The following ADCY2 variants were observed in gnomAD, a reference collection of about 807,000 sequenced individuals.
The protein encoded by ADCY2 is adenylate cyclase 2, also known as adenylate cyclase type 2.
Under a neutral mutation model 125.2 loss-of-function variants are expected in ADCY2, and 31 were observed. The observed-to-expected ratio is 0.25, with a 90% CI of 0.19 to 0.33. The LOEUF (loss-of-function observed/expected upper bound fraction) is 0.33, where lower values mean the gene tolerates loss of function less well. ADCY2 is among the 10% of genes least tolerant of loss of function. The pLI is 1.00. For synonymous variants in ADCY2, 512 were observed against 548.4 expected, an observed-to-expected ratio of 0.93 and a Z score of 0.93; for missense variants, 904 against 1,418.2, an observed-to-expected ratio of 0.64 and a Z score of 5.82.
At chr5:7,434,572 A>G (rs1740725236) in intron 2 of ADCY2, among the ~76,000 whole-genome samples, 1 of 152,254 alleles carries the variant, frequency 6.6e-6, no homozygotes. Flanking sequence ...AGTGTAGGAC[A>G]TATAAACTCC....
chr5:7,499,647 G>GGATA (rs766056942), intron 2 of ADCY2, among the ~76,000 whole-genome samples: 3 of 50,640 alleles, frequency 5.9e-5, no homozygotes, highest in Non-Finnish European at 1.2e-4. Flanking sequence ...ATATGTGGGT[G>GGATA]GATATATATA....
intron 2 of ADCY2, among the ~76,000 whole-genome samples, chr5:7,464,798 T>C (rs1742042799): frequency 6.6e-6 from 1 of 152,206 alleles, no homozygotes; most frequent in Non-Finnish European, 1.5e-5. Context: ...AATATTAAAT[T>C]GATTAAAATC....
intron 2 of ADCY2, among the ~76,000 whole-genome samples, chr5:7,446,909 G>C (rs780090070): frequency 3.9e-5 from 6 of 152,152 alleles, no homozygotes; most frequent in Non-Finnish European, 8.8e-5. Context: ...ATACCTCTTT[G>C]ATAGGACTAT....
intron 2 of ADCY2, among the ~76,000 whole-genome samples, chr5:7,444,914 C>G (rs1214418954): frequency 6.6e-6 from 1 of 152,144 alleles, no homozygotes; most frequent in Non-Finnish European, 1.5e-5. Context: ...TTCTCCTCTC[C>G]ACTGTTTGTT....
At chr5:7,524,600 T>C (rs1734385909) in intron 3 of ADCY2, among the ~76,000 whole-genome samples, 1 of 152,232 alleles carries the variant, frequency 6.6e-6, no homozygotes, top group South Asian at 2.1e-4. Flanking sequence ...TTTGGCCCTA[T>C]GATCCTAACA....
At chr5:7,499,689 ATATGTG>A (rs1743492921) in intron 2 of ADCY2, among the ~76,000 whole-genome samples, 2 of 142,394 alleles carry the variant, frequency 1.4e-5, no homozygotes, top group African/African-American at 5.3e-5. Context: ...ATATGTATAT[ATATGTG>A]TATATATATG....
intron 3 of ADCY2, among the ~76,000 whole-genome samples, chr5:7,601,370 G>A (rs1304484664): frequency 6.6e-6 from 1 of 152,190 alleles, no homozygotes; most frequent in East Asian, 1.9e-4. Flanking sequence ...CATCACACTT[G>A]CATATACCTC....
chr5:7,685,023 T>C (rs1009450587), intron 4 of ADCY2: 1 of 152,184 alleles, frequency 6.6e-6, no homozygotes, highest in South Asian at 2.1e-4. Context: ...TTAAAGTCGC[T>C]CCTCAGTAAT....
intron 2 of ADCY2, among the ~76,000 whole-genome samples, chr5:7,473,677 T>G (rs1263929027): frequency 6.6e-6 from 1 of 152,186 alleles, no homozygotes; most frequent in Non-Finnish European, 1.5e-5. Context: ...CTTAGCAATT[T>G]AAGGCCTTAA....
At chr5:7,568,876 G>A (rs929485060) in intron 3 of ADCY2, among the ~76,000 whole-genome samples, 1 of 152,110 alleles carries the variant, frequency 6.6e-6, no homozygotes, top group Non-Finnish European at 1.5e-5. Context: ...CAGCCATGAT[G>A]ACATGGAGCT....
intron 14 of ADCY2, among the ~76,000 whole-genome samples, chr5:7,734,212 C>T (rs1025797716): frequency 2.6e-5 from 4 of 152,062 alleles, no homozygotes; most frequent in Admixed American, 6.5e-5. Context: ...GGAAAGAGTC[C>T]GTGAAAGTCA....
chr5:7,475,036 G>T (rs377391818), intron 2 of ADCY2, among the ~76,000 whole-genome samples: 15 of 152,148 alleles, frequency 9.9e-5, no homozygotes, highest in Non-Finnish European at 5.9e-5. Context: ...CGCTGGCCTG[G>T]GTGACCCAGC....
chr5:7,717,151 A>G lies in ADCY2; in HGVS notation c.1623-6A>G. On this transcript the variant is annotated splice_region_variant and splice_polypyrimidine_tract_variant and intron_variant, in intron 11 of 24. Transcript: ENST00000338316. ...CCTTACCCATAATATTCCATTTTTC[A>G]TATAGAACCAAGTCACAAAAGAAGA... is the stretch of plus-strand genomic sequence containing the variant. 6.3e-7 allele frequency: 1 copy of G among 1,591,952 alleles called. No individual in the cohort carries two copies. Among genetic ancestry groups the G allele is most frequent in the Non-Finnish European group, 8.6e-7 (1 of 1,164,124 alleles).
chr5:7,762,606 T>C (rs146682710), intron 16 of ADCY2, among the ~76,000 whole-genome samples: 374 of 152,364 alleles, frequency 2.5e-3, no homozygotes, highest in African/African-American at 8.3e-3. Context: ...ACCTAGTCTT[T>C]ACCTACATGC....
intron 2 of ADCY2, among the ~76,000 whole-genome samples, chr5:7,514,994 T>G (rs544203787): frequency 3.9e-5 from 6 of 152,332 alleles, no homozygotes; most frequent in Admixed American, 1.3e-4. Flanking sequence ...AAGAAGCTAA[T>G]GCACTTGACA....
At chr5:7,433,498 C>A (rs745809685) in intron 2 of ADCY2, among the ~76,000 whole-genome samples, 2 of 152,018 alleles carry the variant, frequency 1.3e-5, no homozygotes, top group Non-Finnish European at 2.9e-5. Flanking sequence ...GCGAAAATTA[C>A]TTTTATCACA....
At chr5:7,572,537 G>A (rs1000724646) in intron 3 of ADCY2, among the ~76,000 whole-genome samples, 1 of 151,902 alleles carries the variant, frequency 6.6e-6, no homozygotes, top group African/African-American at 2.4e-5. Flanking sequence ...TATAGATGCT[G>A]GTTATTAGAC....
chr5:7,511,372 G>A (rs996729469), intron 2 of ADCY2, among the ~76,000 whole-genome samples: 24 of 152,150 alleles, frequency 1.6e-4, no homozygotes, highest in African/African-American at 3.9e-4. Context: ...TCAGGAGATC[G>A]AGACCATCCT....
At chr5:7,542,336 C>G (rs1223981858) in intron 3 of ADCY2, among the ~76,000 whole-genome samples, 1 of 150,430 alleles carries the variant, frequency 6.6e-6, no homozygotes, top group East Asian at 2.0e-4. Context: ...TTATACTTTA[C>G]AAGAAAGACA....
Sources: gnomAD v4.1 joint callset for allele counts (sites outside exome capture counted in the v4.1 genomes callset) on GRCh38, gnomAD v4.1.1 for gene constraint, MANE v1.5 for transcripts, NCBI Gene and HGNC (gene_info 2026-07-23, HGNC 2026-07-21) for gene names.